DOCK1: variants seen among roughly 807,000 people sequenced by gnomAD.
DOCK1 encodes the protein dedicator of cytokinesis protein 1.
DOCK1 carries 138 observed loss-of-function variants against 262.7 expected under a neutral mutation model. That is an observed-to-expected ratio of 0.53 (90% CI 0.46 to 0.61). DOCK1 has a LOEUF of 0.61. Ranked by LOEUF, DOCK1 falls within the 20% of genes least tolerant of loss-of-function variation. The pLI is 0.00. For synonymous variants in DOCK1, 866 were observed against 867.4 expected (o/e 1.00, Z 0.03); for missense variants, 1,908 against 2,370.7 (o/e 0.80, Z 4.05).
intron 33 of DOCK1, among the ~76,000 whole-genome samples, chr10:127,362,877 A>ACACATCCCCACACACACACACACATG (rs2064597662): frequency 5.5e-5 from 3 of 54,670 alleles, no homozygotes; most frequent in Admixed American, 1.9e-4. Flanking sequence ...ACACACACAT[A>ACACATCCCCACACACACACACACATG]CACATCCCCA....
At chr10:127,212,743 G>A (rs1344128336) in intron 27 of DOCK1, among the ~76,000 whole-genome samples, 1 of 148,980 alleles carries the variant, frequency 6.7e-6, no homozygotes, top group African/African-American at 2.5e-5. Context: ...TTAAGGGCTT[G>A]GAAAGTACCT....
intron 1 of DOCK1, among the ~76,000 whole-genome samples, chr10:126,923,795 C>T (rs956878915): frequency 2.6e-5 from 4 of 152,178 alleles, no homozygotes; most frequent in African/African-American, 9.7e-5. Flanking sequence ...GATATGGAGC[C>T]TTTGGGAGGT....
intron 22 of DOCK1, among the ~76,000 whole-genome samples, chr10:127,059,688 T>C (rs998667053): frequency 5.3e-5 from 8 of 152,218 alleles, no homozygotes; most frequent in African/African-American, 1.9e-4. Flanking sequence ...TCTTACCTTC[T>C]ATTTGTCATT....
At chr10:127,389,721 A>T (rs1482821656) in intron 38 of DOCK1, among the ~76,000 whole-genome samples, 1 of 152,050 alleles carries the variant, frequency 6.6e-6, no homozygotes, top group East Asian at 1.9e-4. Flanking sequence ...GTTGTTCAAA[A>T]GTGTGTGGGA....
intron 6 of DOCK1, among the ~76,000 whole-genome samples, chr10:126,990,805 C>A (rs1186099477): frequency 6.6e-6 from 1 of 152,088 alleles, no homozygotes; most frequent in Non-Finnish European, 1.5e-5. Flanking sequence ...ATTCTTGAAA[C>A]CTTGTCATTC....
intron 29 of DOCK1, among the ~76,000 whole-genome samples, chr10:127,320,491 A>C (rs1304125279): frequency 1.3e-5 from 2 of 152,156 alleles, no homozygotes; most frequent in Non-Finnish European, 2.9e-5. Context: ...ACCGTGCACC[A>C]GGATGGAGAG....
chr10:127,099,331 A>G (rs576147506), intron 23 of DOCK1, among the ~76,000 whole-genome samples: 10 of 152,296 alleles, frequency 6.6e-5, no homozygotes, highest in African/African-American at 2.4e-4. Flanking sequence ...CTTATTGTCT[A>G]TGGGGAATAC....
At chr10:127,141,377 G>C (rs1262828926) in intron 27 of DOCK1, among the ~76,000 whole-genome samples, 1 of 152,114 alleles carries the variant, frequency 6.6e-6, no homozygotes, top group Non-Finnish European at 1.5e-5. Context: ...ACGTAATATT[G>C]CTAGAATTAA....
rs148332974 is a variant in DOCK1, at chr10:127,139,049, C to G, written c.2847+11285C>G. On this transcript the variant is annotated intron_variant, in intron 27 of 51. Transcript: ENST00000623213. ...CTCCTTGGGACCTCTGCGTTCTGGGCCAGGCCTTGGGAGGATTCCGCTCTG... is the reference window on the plus strand; with the variant it reads ...CTCCTTGGGACCTCTGCGTTCTGGGGCAGGCCTTGGGAGGATTCCGCTCTG... 3.5e-3 allele frequency among the ~76,000 whole-genome samples: 529 copies of G among 152,278 alleles called. 1 individual carries two copies. Among genetic ancestry groups the G allele is most frequent in the Non-Finnish European group, 5.3e-3 (360 of 68,028 alleles).
At chr10:127,203,788 C>T (rs956980001) in intron 27 of DOCK1, among the ~76,000 whole-genome samples, 1 of 152,024 alleles carries the variant, frequency 6.6e-6, no homozygotes, top group Non-Finnish European at 1.5e-5. Flanking sequence ...CTGTGCCATA[C>T]TCTAAATGTG....
chr10:127,256,020 G>T (rs909107828), intron 28 of DOCK1, among the ~76,000 whole-genome samples: 1 of 152,172 alleles, frequency 6.6e-6, no homozygotes, highest in Admixed American at 6.5e-5. Context: ...CAGTGCCCAC[G>T]TACAGAGTTT....
chr10:127,036,454 GT>G (rs528108924), intron 18 of DOCK1, among the ~76,000 whole-genome samples: 4 of 146,972 alleles, frequency 2.7e-5, no homozygotes, highest in East Asian at 2.0e-4. Context: ...ATTAGAGTTT[GT>G]TTTTTTTTTC....
chr10:126,990,701 C>A, intron 6 of DOCK1, 98 bp downstream of exon 6: 1 of 1,399,130 alleles, frequency 7.1e-7, no homozygotes, highest in South Asian at 1.6e-5. Flanking sequence ...TATCATAAAA[C>A]AAAATTTCTA....
intron 29 of DOCK1, among the ~76,000 whole-genome samples, chr10:127,292,859 C>T (rs559625628): frequency 6.6e-6 from 1 of 152,264 alleles, no homozygotes; most frequent in East Asian, 1.9e-4. Flanking sequence ...AGAGCTGATA[C>T]TGGCAGACAA....
intron 25 of DOCK1, among the ~76,000 whole-genome samples, chr10:127,119,832 A>G (rs2049435855): frequency 1.3e-5 from 2 of 152,248 alleles, no homozygotes; most frequent in South Asian, 4.1e-4. Context: ...GCTTTAATGT[A>G]GAGCTGTAAT....
chr10:127,060,011 C>T (rs2045426829), intron 22 of DOCK1, among the ~76,000 whole-genome samples: 1 of 152,122 alleles, frequency 6.6e-6, no homozygotes, highest in African/African-American at 2.4e-5. Flanking sequence ...TACACTGGAC[C>T]TTTAGTATGC....
intron 27 of DOCK1, among the ~76,000 whole-genome samples, chr10:127,224,982 A>G (rs1437998869): frequency 6.6e-6 from 1 of 152,146 alleles, no homozygotes; most frequent in African/African-American, 2.4e-5. Flanking sequence ...TAAGGAAACC[A>G]TAGAAGAATC....
intron 4 of DOCK1, among the ~76,000 whole-genome samples, chr10:126,984,591 A>C (rs1213765321): frequency 6.6e-6 from 1 of 151,072 alleles, no homozygotes; most frequent in Non-Finnish European, 1.5e-5. Context: ...CTGGTCTTGA[A>C]CTTCTGACCT....
At chr10:127,045,657 A>G (rs2044298889) in intron 21 of DOCK1, among the ~76,000 whole-genome samples, 1 of 152,162 alleles carries the variant, frequency 6.6e-6, no homozygotes, top group Non-Finnish European at 1.5e-5. Flanking sequence ...CCTCTTCCGC[A>G]CCTCGAGCTG....
Sources: allele counts gnomAD v4.1 joint callset (sites outside exome capture counted in the v4.1 genomes callset), GRCh38; gene constraint gnomAD v4.1.1; transcripts MANE v1.5; gene names NCBI Gene and HGNC (gene_info 2026-07-23, HGNC 2026-07-21).